WDR17: variants seen among roughly 807,000 people sequenced by gnomAD.
WDR17 encodes WD repeat-containing protein 17.
In WDR17, 143 loss-of-function variants were observed where a neutral mutation model predicts 161.7. That is an observed-to-expected ratio of 0.88 (90% CI 0.77 to 1.02). WDR17 has a LOEUF of 1.02. WDR17 is among the 50% of genes least tolerant of loss of function. WDR17 has a pLI of 0.00. For synonymous variants in WDR17, 517 were observed against 515.6 expected (o/e 1.00, Z -0.04); for missense variants, 1,469 against 1,520.9 (o/e 0.97, Z 0.57).
chr4:176,120,595 T>C (rs1741429378), intron 4 of WDR17, among the ~76,000 whole-genome samples: 1 of 152,016 alleles, frequency 6.6e-6, no homozygotes, highest in Non-Finnish European at 1.5e-5. Flanking sequence ...CCCCTGTTAG[T>C]TAATTGATTT....
At position 176,160,063 on chromosome 4, in the gene WDR17, G is replaced by C. The variant is rs1441596216; in HGVS notation, c.2595G>C (p.Val865=). The C allele has an allele frequency of 2.5e-6, 4 of 1,613,686 alleles. No individual in the cohort carries two copies. The African/African-American group carries it at 5.3e-5, about 22-fold the overall frequency. Residue 865 remains valine, a synonymous_variant, in exon 19 of 29, where the codon GTG becomes GTC. Transcript: ENST00000508596. Reference sequence around the variant, plus strand: ...CATACTGCATAGCCATTGGTGATGTGAAAAAGCTAGTCCATTTTTTCATGT... The same window carrying C: ...CATACTGCATAGCCATTGGTGATGTCAAAAAGCTAGTCCATTTTTTCATGT... ...VIPYCIAIGD[V]KKLVHFFMSR... is the part of the protein sequence containing the mutation.
intron 20 of WDR17, 102 bp from the exon 21 acceptor site, chr4:176,161,972 TA>T (rs60442180): frequency 0.043 from 42,120 of 981,668 alleles, 1,094 homozygotes; most frequent in South Asian, 0.076. Flanking sequence ...CATGTCAAAT[TA>T]AATTTTATTT....
intron 20 of WDR17, among the ~76,000 whole-genome samples, chr4:176,161,497 T>C (rs978425600): frequency 2.6e-5 from 4 of 152,174 alleles, no homozygotes; most frequent in African/African-American, 7.2e-5. Context: ...TTCAGCCTTC[T>C]AACCTTTTTT....
chr4:176,162,206 A>G (rs537210273), intron 21 of WDR17, 32 bp downstream of exon 21: 2 of 1,593,690 alleles, frequency 1.3e-6, no homozygotes, highest in Admixed American at 3.5e-5. Flanking sequence ...TATGTGAATG[A>G]AAAGTTTTTT....
intron 9 of WDR17, among the ~76,000 whole-genome samples, chr4:176,139,348 C>G (rs1260549610): frequency 6.6e-6 from 1 of 151,788 alleles, no homozygotes; most frequent in Non-Finnish European, 1.5e-5. Context: ...ATCCCCTGGC[C>G]CTTCCTCAGT....
At chr4:176,117,232 A>G (rs535348579) in intron 3 of WDR17, among the ~76,000 whole-genome samples, 4 of 152,110 alleles carry the variant, frequency 2.6e-5, no homozygotes, top group Admixed American at 2.0e-4. Flanking sequence ...AAGACTTTTC[A>G]TATCTCCCCA....
chr4:176,111,915 T>C (rs1739824521), intron 2 of WDR17, among the ~76,000 whole-genome samples: 1 of 152,188 alleles, frequency 6.6e-6, no homozygotes, highest in Non-Finnish European at 1.5e-5. Flanking sequence ...AAATTTGATA[T>C]AAGAAAATTC....
chr4:176,068,420 T>G (rs1195959342), intron 1 of WDR17: 1 of 152,082 alleles, frequency 6.6e-6, no homozygotes, highest in African/African-American at 2.4e-5. Context: ...GCCAACATGG[T>G]GAAACCCCAT....
At chr4:176,094,277 G>C (rs1736511943) in intron 1 of WDR17, among the ~76,000 whole-genome samples, 1 of 152,146 alleles carries the variant, frequency 6.6e-6, no homozygotes, top group Admixed American at 6.6e-5. Context: ...TCATAGCCCT[G>C]CATGTGCCAA....
Position 176,175,063 on chromosome 4 carries a change from GAGTATCCCATGGTTAGA to G in WDR17, c.3449+348_3449+364del, listed in dbSNP as rs1243640400. Among the ~76,000 whole-genome samples, 5 of 152,156 alleles carry G rather than the reference GAGTATCCCATGGTTAGA, an allele frequency of 3.3e-5. No individual in the cohort carries two copies. In the East Asian group the frequency reaches 9.7e-4, roughly 29 times the overall value. On this transcript the variant is annotated intron_variant, in intron 26 of 28. Coordinates refer to ENST00000508596, the MANE Select transcript of WDR17 (RefSeq NM_181265.4). ...TTTTTTGGATTATTTCCTCTTGCTT[GAGTATCCCATGGTTAGA>G]AGATAGATGCTAGCCCTCCATGAAT... is the stretch of plus-strand genomic sequence containing the variant.
chr4:176,174,779 G>A, intron 26 of WDR17, 61 bp downstream of exon 26: 1 of 991,440 alleles, frequency 1.0e-6, no homozygotes. Context: ...AAGATGGATA[G>A]TCTCTAAGTG....
intron 1 of WDR17, among the ~76,000 whole-genome samples, chr4:176,099,169 A>C (rs370261741): frequency 6.6e-6 from 1 of 152,160 alleles, no homozygotes; most frequent in Non-Finnish European, 1.5e-5. Context: ...CCAATAAAAA[A>C]TTGAACGCAT....
At chr4:176,069,137 A>G (rs1732899728) in intron 1 of WDR17, among the ~76,000 whole-genome samples, 1 of 152,126 alleles carries the variant, frequency 6.6e-6, no homozygotes, top group South Asian at 2.1e-4. Context: ...TTCAGTGACT[A>G]GTCAAACATT....
intron 22 of WDR17, 131 bp from the exon 23 acceptor site, chr4:176,168,541 T>G: frequency 9.7e-7 from 1 of 1,026,712 alleles, no homozygotes; most frequent in Non-Finnish European, 1.4e-6. Flanking sequence ...TTAAGTAGGC[T>G]ATTAATACTG....
intron 2 of WDR17, among the ~76,000 whole-genome samples, chr4:176,112,915 T>A (rs1740004322): frequency 1.3e-5 from 2 of 152,114 alleles, no homozygotes; most frequent in South Asian, 2.1e-4. Context: ...TACTACATAT[T>A]CGTACATTAC....
At position 176,133,378 on chromosome 4, in the gene WDR17, TAAAAAAAAAAA is replaced by T. The variant is rs571544131; in HGVS notation, c.1098+1656_1098+1666del. Among the ~76,000 whole-genome samples the T allele has an allele frequency of 7.1e-4, 52 of 72,960 alleles. 2 individuals are homozygous for T. The highest frequency in any genetic ancestry group is 7.0e-3 in the East Asian group (12 of 1,720). 47.9% of individuals were successfully genotyped at this position (72,960 alleles called of 152,430 possible). A position where few individuals can be genotyped will look rare whatever the true frequency, so the allele number is the denominator to read the frequency against. ...AAAAATCTGGGTCTTTCTACTAAGC[TAAAAAAAAAAA>T]AAAAAAAAAAAAAAAGTTGTGTTAG... On this transcript the variant is annotated intron_variant, in intron 7 of 28. Transcript: ENST00000508596.
chr4:176,153,850 AAAAGGCATTATAAATT>A (rs1461666636), intron 17 of WDR17, among the ~76,000 whole-genome samples: 1 of 152,176 alleles, frequency 6.6e-6, no homozygotes, highest in African/African-American at 2.4e-5. Flanking sequence ...AATGTTATCA[AAAAGGCATTATAAATT>A]TAAAAGTATT....
chr4:176,159,571 G>A (rs960809409), intron 18 of WDR17, among the ~76,000 whole-genome samples: 2 of 151,990 alleles, frequency 1.3e-5, no homozygotes, highest in African/African-American at 4.8e-5. Context: ...TGAGTTTCAA[G>A]CCTCTCTATT....
intron 3 of WDR17, 45 bp from the exon 4 acceptor site, chr4:176,119,822 C>A (rs771998199): frequency 5.2e-6 from 8 of 1,527,778 alleles, no homozygotes; most frequent in Non-Finnish European, 6.3e-6. Flanking sequence ...ATGGTGTAAT[C>A]TTATGCTGTA....
Sources: allele counts gnomAD v4.1 joint callset (sites outside exome capture counted in the v4.1 genomes callset), GRCh38; gene constraint gnomAD v4.1.1; transcripts MANE v1.5; gene names NCBI Gene and HGNC (gene_info 2026-07-23, HGNC 2026-07-21).